FANCL: variants seen among roughly 807,000 people sequenced by gnomAD.
FANCL encodes the protein FA complementation group L.
Under a neutral mutation model 59.4 loss-of-function variants are expected in FANCL, and 69 were observed. That is an observed-to-expected ratio of 1.16 (90% CI 0.96 to 1.42). The LOEUF (loss-of-function observed/expected upper bound fraction) is 1.42. Ranked by LOEUF, FANCL falls within the 40% of genes most tolerant of loss-of-function variation. FANCL has a pLI of 0.00. For synonymous variants in FANCL, 180 were observed against 147.1 expected, an observed-to-expected ratio of 1.22 and a Z score of -1.62; for missense variants, 519 against 447.2, an observed-to-expected ratio of 1.16 and a Z score of -1.45.
chr2:58,168,450 C>T (rs1022071283), intron 7 of FANCL, among the ~76,000 whole-genome samples: 6 of 152,120 alleles, frequency 3.9e-5, no homozygotes, highest in South Asian at 2.1e-4. Context: ...CTTCACAACC[C>T]GCAGATCAGG....
intron 6 of FANCL, among the ~76,000 whole-genome samples, chr2:58,202,845 G>A (rs751529162): frequency 2.6e-5 from 4 of 151,772 alleles, no homozygotes; most frequent in Non-Finnish European, 5.9e-5. Context: ...TTCTTAGGAA[G>A]TAGAAGAGCT....
At chr2:58,184,587 T>A (rs958574784) in intron 7 of FANCL, among the ~76,000 whole-genome samples, 1 of 151,750 alleles carries the variant, frequency 6.6e-6, no homozygotes, top group Non-Finnish European at 1.5e-5. Flanking sequence ...ATAATAAGAA[T>A]AAGGAAATGA....
In FANCL at chr2:58,159,453, T is replaced by A; in HGVS notation, c.*312A>T. On this transcript the variant is annotated 3_prime_UTR_variant, in exon 14 of 14. Coordinates refer to ENST00000233741, the MANE Select transcript of FANCL (RefSeq NM_018062.4). ...GCTATACACAATTCCCAAACTCATT[T>A]TATGAGCCTCATCAAGATTTTACCA... 1 of 1,613,696 alleles carries A rather than the reference T, an allele frequency of 6.2e-7. No homozygotes were observed. The highest frequency in any genetic ancestry group is 8.5e-7 in the Non-Finnish European group (1 of 1,179,730).
At chr2:58,221,802 C>T in intron 5 of FANCL, 140 bp downstream of exon 5, 3 of 626,930 alleles carry the variant, frequency 4.8e-6, no homozygotes, top group Non-Finnish European at 8.4e-6. Flanking sequence ...CTTTAATTCA[C>T]AGCAACAATA....
intron 7 of FANCL, among the ~76,000 whole-genome samples, chr2:58,189,502 C>T (rs966589051): frequency 1.3e-5 from 2 of 152,052 alleles, no homozygotes; most frequent in East Asian, 3.9e-4. Flanking sequence ...TATATAGATA[C>T]ATAAATGTAT....
intron 7 of FANCL, among the ~76,000 whole-genome samples, chr2:58,176,541 A>G (rs1167556050): frequency 6.6e-6 from 1 of 152,208 alleles, no homozygotes; most frequent in East Asian, 1.9e-4. Context: ...AGGATTCCCT[A>G]TTTAATAAAT....
chr2:58,173,733 A>G (rs1320677731), intron 7 of FANCL, among the ~76,000 whole-genome samples: 61 of 152,040 alleles, frequency 4.0e-4, no homozygotes, highest in South Asian at 4.2e-4. Context: ...ATCAACTAAC[A>G]AGCAAAATAA....
At chr2:58,169,393 T>C (rs1377625841) in intron 7 of FANCL, among the ~76,000 whole-genome samples, 2 of 152,020 alleles carry the variant, frequency 1.3e-5, no homozygotes, top group Non-Finnish European at 2.9e-5. Context: ...CAAAACCCCA[T>C]ATGAAAGTCA....
chr2:58,233,602 T>G (rs1342566364), intron 1 of FANCL, among the ~76,000 whole-genome samples: 1 of 151,898 alleles, frequency 6.6e-6, no homozygotes, highest in Non-Finnish European at 1.5e-5. Context: ...AAACCTCAAA[T>G]TACCTACAGG....
chr2:58,159,245 G>T (rs1684642867), downstream of FANCL: 2 of 855,954 alleles, frequency 2.3e-6, no homozygotes, highest in Non-Finnish European at 3.5e-6. Context: ...GCAAAAACTT[G>T]ATCTTGTATA....
intron 4 of FANCL, among the ~76,000 whole-genome samples, chr2:58,226,520 A>G (rs1429267356): frequency 6.6e-6 from 1 of 152,200 alleles, no homozygotes; most frequent in Non-Finnish European, 1.5e-5. Flanking sequence ...AGTTTATAAT[A>G]CAATCAAAGA....
At chr2:58,222,554 T>G (rs1692590067) in intron 4 of FANCL, among the ~76,000 whole-genome samples, 1 of 152,092 alleles carries the variant, frequency 6.6e-6, no homozygotes, top group East Asian at 1.9e-4. Context: ...TACTCTGTAC[T>G]ATTCTTCAAG....
chr2:58,196,254 G>A (rs1221578079), intron 7 of FANCL, among the ~76,000 whole-genome samples: 2 of 152,008 alleles, frequency 1.3e-5, no homozygotes, highest in Non-Finnish European at 2.9e-5. Flanking sequence ...AGATGGGAAG[G>A]AGGGACAGAA....
At chr2:58,165,536 C>T (rs1685820455) in intron 8 of FANCL, among the ~76,000 whole-genome samples, 188 bp downstream of exon 8, 1 of 152,130 alleles carries the variant, frequency 6.6e-6, no homozygotes, top group Non-Finnish European at 1.5e-5. Context: ...AATGAAACAC[C>T]TCAGTACTTC....
At chr2:58,231,986 T>C in intron 2 of FANCL, 68 bp downstream of exon 2, 2 of 1,321,196 alleles carry the variant, frequency 1.5e-6, no homozygotes, top group Middle Eastern at 3.6e-4. Context: ...AGAATCAATT[T>C]ATACCAAATG....
chr2:58,181,822 C>T lies in FANCL; in HGVS notation c.541-15948G>A, dbSNP rs543166971. 1.9e-4 allele frequency among the ~76,000 whole-genome samples: 29 copies of T among 151,786 alleles called. No individual in the cohort carries two copies. In the East Asian group the frequency reaches 5.2e-3, roughly 27 times the overall value. ...AATATTAAATAAATGATATAAATTA[C>T]GTATGAGTTATTTGTTATAACTGAG... On this transcript the variant is annotated intron_variant, in intron 7 of 13. Transcript: ENST00000233741.
intron 4 of FANCL, among the ~76,000 whole-genome samples, chr2:58,223,008 T>A (rs772569200): frequency 1.0e-5 from 1 of 99,244 alleles, no homozygotes. Context: ...TATATATCAA[T>A]TTTTTTTAAC....
At chr2:58,216,787 A>C (rs1691762294) in intron 5 of FANCL, among the ~76,000 whole-genome samples, 1 of 151,820 alleles carries the variant, frequency 6.6e-6, no homozygotes, top group Non-Finnish European at 1.5e-5. Flanking sequence ...CCTCACCTAC[A>C]ACTGGGATGT....
At chr2:58,178,784 G>A (rs897986352) in intron 7 of FANCL, among the ~76,000 whole-genome samples, 16 of 152,176 alleles carry the variant, frequency 1.1e-4, no homozygotes, top group Non-Finnish European at 1.6e-4. Context: ...AGGAGAGGAA[G>A]TCAAATTGTC....
Sources: gnomAD v4.1 joint callset for allele counts (sites outside exome capture counted in the v4.1 genomes callset) on GRCh38, gnomAD v4.1.1 for gene constraint, MANE v1.5 for transcripts, NCBI Gene and HGNC (gene_info 2026-07-23, HGNC 2026-07-21) for gene names.